WBP2: variants seen among roughly 807,000 people sequenced by gnomAD.
WBP2 encodes WW domain binding protein 2, also known as WW domain-binding protein 2.
A neutral mutation model predicts 33.0 loss-of-function variants in WBP2; 23 were observed. That is an observed-to-expected ratio of 0.70 (90% CI 0.50 to 0.99). The LOEUF (loss-of-function observed/expected upper bound fraction) is 0.99. Among genes scored for constraint, WBP2 ranks in the 50% least tolerant of loss-of-function variants. The pLI, the probability that WBP2 is intolerant of heterozygous loss-of-function variation, is 0.00. For missense variants in WBP2, 353 were observed against 358.0 expected, an observed-to-expected ratio of 0.99 and a Z score of 0.11; for synonymous variants, 153 against 133.5, an observed-to-expected ratio of 1.15 and a Z score of -1.01.
intron 3 of WBP2, chr17:75,849,329 T>C (rs1041790591): frequency 2.7e-6 from 1 of 369,062 alleles, no homozygotes; most frequent in Non-Finnish European, 4.9e-6. Context: ...CTAAAATTTG[T>C]ATGCGCTCGC....
rs2065008815 is a variant in WBP2 at position 75,848,498 on chromosome 17, A to G, written c.397+72T>C. 3 of 1,452,892 alleles carry G rather than the reference A, an allele frequency of 2.1e-6. No homozygotes were observed. In the South Asian group the frequency reaches 3.6e-5, roughly 17 times the overall value. The allele number at this position is 1,452,892 out of a possible 1,614,324, so 90.0% of individuals were successfully genotyped here. On this transcript the variant is annotated intron_variant, in intron 4 of 7. Coordinates refer to ENST00000254806, the MANE Select transcript of WBP2 (RefSeq NM_012478.4). ...GAGTTCTTGAAAAAGCAAAACGAAA[A>G]GGAAGCAAACTCATACCAAACCCCT...
In WBP2 at chr17:75,847,912, G is replaced by C. The variant is rs367593341; in HGVS notation, c.416C>G (p.Pro139Arg). The C allele has an allele frequency of 3.8e-6, 6 of 1,563,578 alleles. No homozygotes were observed. In the East Asian group the frequency reaches 9.6e-5, roughly 25 times the overall value. Residue 139 changes from proline (P) to arginine (R), a missense_variant, in exon 5 of 8, where the codon CCC (proline) becomes CGC (arginine). By Grantham distance (103) the Pro-to-Arg change is moderately radical. Transcript: ENST00000254806. ...GTAAGAGTAGCCATAGGCTCCACTGGGGACTTCACCTCTGGAGGCTACGAG... is the reference window on the plus strand; with the variant it reads ...GTAAGAGTAGCCATAGGCTCCACTGCGGACTTCACCTCTGGAGGCTACGAG... ...VASQASRGEV[P>R]SGAYGYSYMP...
chr17:75,851,781 C>A (rs761562548), intron 1 of WBP2, 105 bp from the exon 2 acceptor site: 5 of 806,176 alleles, frequency 6.2e-6, no homozygotes, highest in Non-Finnish European at 1.1e-5. Flanking sequence ...CGTCAGCTCT[C>A]ATAACCTCTC....
rs377767075 is a variant in WBP2 at position 75,851,569 on chromosome 17, C to T, written c.167G>A (p.Arg56Gln). The T allele has an allele frequency of 3.6e-5, 58 of 1,611,662 alleles. No homozygotes were observed. The highest frequency in any genetic ancestry group is 6.7e-5 in the East Asian group (3 of 44,854). The change falls in exon 2 of 8, where the codon CGG becomes CAG. Residue 56 changes from arginine to glutamine, a missense_variant and splice_region_variant. Transcript: ENST00000254806. ...KKGTVYLTPY[R>Q]VIFLSKGKDA... Reference sequence around the variant, plus strand: ...CAACTGCCCTGCTGTGCAACTCACCCGGTAAGGGGTAAGGTAGACAGTGCC... The same window carrying T: ...CAACTGCCCTGCTGTGCAACTCACCTGGTAAGGGGTAAGGTAGACAGTGCC...
In WBP2 at chr17:75,846,823, G is replaced by A. The variant is rs772501242; in HGVS notation, c.733-36C>T. On this transcript the variant is annotated intron_variant, in intron 7 of 7. Coordinates refer to ENST00000254806, the MANE Select transcript of WBP2 (RefSeq NM_012478.4). The surrounding 1 kb of genome is among the most constrained non-coding windows in gnomAD (Gnocchi z 4.8). The stretch of plus-strand genomic sequence containing the variant: ...GAGAAAGGAGAGACTTGCATTAGAA[G>A]GTTTAAAACATGGTGCGGTCATCCC... 1.9e-5 allele frequency: 30 copies of A among 1,600,708 alleles called. No homozygotes were observed. The highest frequency in any genetic ancestry group is 2.0e-5 in the Non-Finnish European group (23 of 1,172,778).
In WBP2 at chr17:75,847,592, G is replaced by A; in HGVS notation, c.550C>T (p.Pro184Ser). The change falls in exon 6 of 8, where the codon CCC becomes TCC. Residue 184 changes from proline (P) to serine (S), a missense_variant. Physicochemically the swap from Pro to Ser is moderately conservative, Grantham distance 74. Transcript: ENST00000254806. ...TATCCCATGGCCCCGTCCATCATGGGGGGTCCTGGATAGAACTCTGCTCGG... is the reference window on the plus strand; with the variant it reads ...TATCCCATGGCCCCGTCCATCATGGAGGGTCCTGGATAGAACTCTGCTCGG... The part of the protein sequence containing the change: ...PPPPEFYPGP[P>S]MMDGAMGYVQ... 4.3e-6 allele frequency: 7 copies of A among 1,612,530 alleles called. No individual in the cohort carries two copies. Among genetic ancestry groups the A allele is most frequent in the Non-Finnish European group, 5.9e-6 (7 of 1,179,364 alleles).
intron 4 of WBP2, 76 bp downstream of exon 4, chr17:75,848,494 G>A (rs565057395): frequency 5.6e-6 from 8 of 1,430,832 alleles, no homozygotes; most frequent in African/African-American, 4.2e-5. Context: ...AAAGCAAAAC[G>A]AAAAGGAAGC....
chr17:75,847,493 G>C lies in WBP2; in HGVS notation c.649C>G (p.Pro217Ala), dbSNP rs1421074645. Residue 217 changes from proline (P) to alanine (A), a missense_variant, in exon 6 of 8, where the codon CCT becomes GCT. Pro to Ala is a conservative substitution (Grantham distance 27). Coordinates refer to ENST00000254806, the MANE Select transcript of WBP2 (RefSeq NM_012478.4). ...PVSGPDVPST[P>A]AAEAKAAEAA... Reference sequence around the variant, plus strand: ...AGCACCCAAGGGCCCTCACCTGCAGGAGTGGAGGGGACATCGGGGCCGCTG... The same window carrying C: ...AGCACCCAAGGGCCCTCACCTGCAGCAGTGGAGGGGACATCGGGGCCGCTG... 1 of 1,591,970 alleles carries C rather than the reference G, an allele frequency of 6.3e-7. No individual in the cohort carries two copies. The highest frequency in any genetic ancestry group is 8.6e-7 in the Non-Finnish European group (1 of 1,169,558).
In WBP2 at chr17:75,847,469, G is replaced by T. The variant is rs2065000517; in HGVS notation, c.655+18C>A. On this transcript the variant is annotated intron_variant, in intron 6 of 7. Transcript: ENST00000254806. Reference sequence around the variant, plus strand: ...GAGGGCTGGTCCCGAAGGGCTGCCAGCACCCAAGGGCCCTCACCTGCAGGA... The same window carrying T: ...GAGGGCTGGTCCCGAAGGGCTGCCATCACCCAAGGGCCCTCACCTGCAGGA... 2 of 1,585,638 alleles carry T rather than the reference G, an allele frequency of 1.3e-6. No homozygotes were observed. The highest frequency in any genetic ancestry group is 1.7e-6 in the Non-Finnish European group (2 of 1,167,568).
intron 6 of WBP2, 164 bp from the exon 7 acceptor site, chr17:75,847,148 C>A (rs543862441): frequency 1.2e-5 from 9 of 757,830 alleles, no homozygotes; most frequent in South Asian, 8.7e-5. Context: ...CGCGCTGGCA[C>A]GGTCCTTTCC....
intron 2 of WBP2, among the ~76,000 whole-genome samples, chr17:75,850,267 A>AT (rs1320244833): frequency 2.7e-5 from 4 of 145,608 alleles, no homozygotes; most frequent in Admixed American, 2.1e-4. Context: ...TTTTTTTGAG[A>AT]TGGAGTCTTA....
rs199708194 is a variant in WBP2 at position 75,855,190 on chromosome 17, C to T, written c.59+49G>A. 2.8e-5 allele frequency: 43 copies of T among 1,554,872 alleles called. No individual in the cohort carries two copies. In the Middle Eastern group the frequency reaches 7.0e-4, roughly 25 times the overall value. ...CCACCCACCACCCACCGCCCACTTCCTCGACACCCGAACTTTGGTCCTCCA... is the reference window on the plus strand; with the variant it reads ...CCACCCACCACCCACCGCCCACTTCTTCGACACCCGAACTTTGGTCCTCCA... On this transcript the variant is annotated intron_variant, in intron 1 of 7. Coordinates refer to ENST00000254806, the MANE Select transcript of WBP2 (RefSeq NM_012478.4).
chr17:75,852,833 C>A (rs2065035832), intron 1 of WBP2: 1 of 979,816 alleles, frequency 1.0e-6, no homozygotes, highest in Non-Finnish European at 1.2e-6. Context: ...AAAATATAAA[C>A]ATGTCTAAGA....
chr17:75,847,391 G>A (rs1264703822), intron 6 of WBP2, 96 bp downstream of exon 6: 1 of 1,530,260 alleles, frequency 6.5e-7, no homozygotes, highest in South Asian at 1.2e-5. Flanking sequence ...ATCATCTGCG[G>A]CTCTCAGCAG....
chr17:75,847,652 TG>T (rs2065002334), intron 5 of WBP2, 43 bp from the exon 6 acceptor site: 16 of 1,611,436 alleles, frequency 9.9e-6, no homozygotes, highest in Non-Finnish European at 1.4e-5. Context: ...AGCACCCGGC[TG>T]CGGCCCCCTC....
intron 6 of WBP2, 56 bp from the exon 7 acceptor site, chr17:75,847,040 G>A (rs1315206997): frequency 6.2e-7 from 1 of 1,604,182 alleles, no homozygotes; most frequent in Admixed American, 1.7e-5. Flanking sequence ...CCTGAGCTCA[G>A]CTAAGAGACC....
intron 1 of WBP2, chr17:75,852,320 G>C (rs1412475789): frequency 1.3e-5 from 2 of 152,204 alleles, no homozygotes; most frequent in Non-Finnish European, 2.9e-5. Flanking sequence ...GCAGGTTGGG[G>C]GTTCTGTAAA....
intron 3 of WBP2, 39 bp downstream of exon 3, chr17:75,849,565 T>G: frequency 6.2e-7 from 1 of 1,612,130 alleles, no homozygotes; most frequent in Non-Finnish European, 8.5e-7. Context: ...GACACCTCCC[T>G]GCAGGCCCCA....
intron 2 of WBP2, 184 bp downstream of exon 2, chr17:75,851,383 CA>C: frequency 1.9e-6 from 1 of 538,122 alleles, no homozygotes; most frequent in Middle Eastern, 5.4e-4. Context: ...GTCAGTTACA[CA>C]AAGAGCCTGG....
Sources: allele counts gnomAD v4.1 joint callset (sites outside exome capture counted in the v4.1 genomes callset), GRCh38; gene constraint gnomAD v4.1.1; non-coding constraint Gnocchi (gnomAD v3.1); transcripts MANE v1.5; gene names NCBI Gene and HGNC (gene_info 2026-07-23, HGNC 2026-07-21).